KCNN2: variants seen among roughly 807,000 people sequenced by gnomAD.
KCNN2 encodes potassium calcium-activated channel subfamily N member 2.
A neutral mutation model predicts 55.5 loss-of-function variants in KCNN2; 24 were observed. The ratio of observed to expected loss-of-function variants is 0.43; its 90% CI spans 0.31 to 0.61. The LOEUF (loss-of-function observed/expected upper bound fraction) is 0.61, where lower values mean the gene tolerates loss of function less well. Ranked by LOEUF, KCNN2 falls within the 20% of genes least tolerant of loss-of-function variation. The pLI is 0.08. For synonymous variants in KCNN2, 431 were observed against 336.1 expected (o/e 1.28, Z -3.09); for missense variants, 754 against 853.6 (o/e 0.88, Z 1.45).
chr5:114,490,729 T>C, intron 6 of KCNN2: 1 of 398,154 alleles, frequency 2.5e-6, no homozygotes, highest in African/African-American at 2.1e-5. Flanking sequence ...CCTTTCAACA[T>C]TTGCAGAATT....
At chr5:114,093,658 G>T (rs191679409) in intron 1 of KCNN2, among the ~76,000 whole-genome samples, 1 of 152,176 alleles carries the variant, frequency 6.6e-6, no homozygotes. Flanking sequence ...GGGAAACAAG[G>T]CACCTTCTTC....
intron 1 of KCNN2, among the ~76,000 whole-genome samples, chr5:114,077,461 A>G (rs1750706223): frequency 6.6e-6 from 1 of 152,130 alleles, no homozygotes; most frequent in Non-Finnish European, 1.5e-5. Context: ...TATACAGGAT[A>G]TGGGACACCT....
rs750998344 is a variant in KCNN2 at position 114,363,051 on chromosome 5, AGGCGGC to A, written c.918_923del (p.Gly309_Gly310del). On this transcript the variant is annotated inframe_deletion, in exon 1 of 8. Transcript: ENST00000673685. ...CCGGCGGCGGAGGCAGCACTGGAGG[AGGCGGC>A]GGCGGTGGCGGGAGCGGGCACGGCA... The A allele has an allele frequency of 6.2e-7, 1 of 1,607,278 alleles. No individual in the cohort carries two copies. The highest frequency in any genetic ancestry group is 8.5e-7 in the Non-Finnish European group (1 of 1,178,552).
chr5:114,354,290 CTGTT>C (rs1757260969), intron 2 of KCNN2, among the ~76,000 whole-genome samples: 1 of 151,986 alleles, frequency 6.6e-6, no homozygotes, highest in South Asian at 2.1e-4. Context: ...TCAATATTCT[CTGTT>C]TGATGAGTCA....
rs188471136 is a variant in KCNN2, at chr5:114,229,704, A to C, written c.-185+8139A>C. On this transcript the variant is annotated intron_variant, in intron 2 of 10. Coordinates refer to the KCNN2 transcript ENST00000512097. ...ACAATTTTTTAAAGAAAACAAAGGA[A>C]ACCTTATTTTGTTCAGGTTTAATTA... 6.7e-3 allele frequency among the ~76,000 whole-genome samples: 1,020 copies of C among 152,096 alleles called. 1 individual carries two copies. The highest frequency in any genetic ancestry group is 0.01 in the Middle Eastern group (3 of 294).
intron 3 of KCNN2, among the ~76,000 whole-genome samples, chr5:114,430,538 A>C (rs965355018): frequency 6.6e-6 from 1 of 152,068 alleles, no homozygotes; most frequent in African/African-American, 2.4e-5. Context: ...AAAATTGTTT[A>C]TCTGTGAAAA....
chr5:114,276,259 A>C (rs1016281688), intron 2 of KCNN2, among the ~76,000 whole-genome samples: 3 of 152,180 alleles, frequency 2.0e-5, no homozygotes, highest in East Asian at 3.9e-4. Context: ...ATATGTGGTC[A>C]ATTTTAGAAT....
At chr5:114,231,478 G>T (rs1040163335) in intron 2 of KCNN2, among the ~76,000 whole-genome samples, 2 of 149,916 alleles carry the variant, frequency 1.3e-5, no homozygotes, top group Admixed American at 6.6e-5. Context: ...GTAAGGAAGG[G>T]ATCCAGTTTC....
intron 1 of KCNN2, among the ~76,000 whole-genome samples, chr5:114,092,289 C>T (rs1201795909): frequency 1.3e-5 from 2 of 152,150 alleles, no homozygotes; most frequent in African/African-American, 2.4e-5. Flanking sequence ...AAATGATGTC[C>T]TTTGACTCCA....
At chr5:114,409,958 A>G (rs1266327125) in intron 3 of KCNN2, among the ~76,000 whole-genome samples, 7 of 152,132 alleles carry the variant, frequency 4.6e-5, no homozygotes, top group Non-Finnish European at 8.8e-5. Context: ...ACATTTGTTA[A>G]TAAGCAGCTT....
intron 3 of KCNN2, among the ~76,000 whole-genome samples, chr5:114,411,776 T>G (rs963399864): frequency 1.4e-4 from 22 of 152,082 alleles, no homozygotes; most frequent in African/African-American, 5.3e-4. Flanking sequence ...TCTTCCTCAC[T>G]CAGTTCGCTG....
intron 4 of KCNN2, among the ~76,000 whole-genome samples, chr5:114,465,067 C>A (rs367795972): frequency 5.9e-5 from 9 of 152,188 alleles, no homozygotes; most frequent in Admixed American, 4.6e-4. Flanking sequence ...CAAGATGGTA[C>A]CCTCTTTTAT....
At chr5:114,101,619 G>A (rs1751374751) in intron 1 of KCNN2, among the ~76,000 whole-genome samples, 1 of 151,100 alleles carries the variant, frequency 6.6e-6, no homozygotes, top group Admixed American at 6.6e-5. Flanking sequence ...AATGTGTGAC[G>A]TTCAGCTCCT....
chr5:114,293,158 CT>C (rs1473514404), intron 2 of KCNN2, among the ~76,000 whole-genome samples: 1 of 152,198 alleles, frequency 6.6e-6, no homozygotes, highest in Non-Finnish European at 1.5e-5. Context: ...TTGACTTCCT[CT>C]TTTCCTAATT....
Position 114,493,392 on chromosome 5 carries a change from C to G in KCNN2, c.2019-11C>G. On this transcript the variant is annotated splice_polypyrimidine_tract_variant and intron_variant, in intron 6 of 7. Transcript: ENST00000673685. The stretch of plus-strand genomic sequence containing the variant: ...AAGGGAACCTTTCTGATACCAGATT[C>G]TATCTTTTAGATTAAGAAGTGTAAA... The G allele has an allele frequency of 6.5e-7, 1 of 1,532,704 alleles. No homozygotes were observed. The allele number at this position is 1,532,704 out of a possible 1,614,324, so 94.9% of individuals were successfully genotyped here.
At chr5:114,249,238 C>T (rs1312275771) in intron 2 of KCNN2, among the ~76,000 whole-genome samples, 1 of 151,506 alleles carries the variant, frequency 6.6e-6, no homozygotes, top group Non-Finnish European at 1.5e-5. Flanking sequence ...AGAACGTAAA[C>T]ATGGTATCAC....
intron 1 of KCNN2, among the ~76,000 whole-genome samples, chr5:114,173,164 C>T (rs10055733): frequency 0.025 from 3,831 of 152,020 alleles, 150 homozygotes; most frequent in African/African-American, 0.087. Flanking sequence ...CAAGTTTTCC[C>T]AGTGCTATTT....
rs114392419 is a variant in KCNN2 at position 114,316,081 on chromosome 5, A to G, written c.-184-44864A>G. On this transcript the variant is annotated intron_variant, in intron 2 of 10. Transcript: ENST00000512097. The stretch of plus-strand genomic sequence containing the variant: ...AATAAGAAACACAGCACTGAAAGAT[A>G]TTCATCACACACGCATATAGTGTGT... Among the ~76,000 whole-genome samples the G allele has an allele frequency of 4.9e-3, 739 of 152,302 alleles. 17 individuals carry two copies. The highest frequency in any genetic ancestry group is 8.9e-3 in the Admixed American group (136 of 15,294).
intron 2 of KCNN2, among the ~76,000 whole-genome samples, chr5:114,264,499 A>G (rs143145756): frequency 6.6e-6 from 1 of 152,178 alleles, no homozygotes; most frequent in Non-Finnish European, 1.5e-5. Flanking sequence ...AGCAAGACAG[A>G]AAACAGGGAG....
Sources: allele counts gnomAD v4.1 joint callset (sites outside exome capture counted in the v4.1 genomes callset), GRCh38; gene constraint gnomAD v4.1.1; transcripts MANE v1.5; gene names NCBI Gene and HGNC (gene_info 2026-07-23, HGNC 2026-07-21).